The following ACTN2 variants were observed in gnomAD, a reference collection of about 807,000 sequenced individuals.
ACTN2 encodes the protein alpha-actinin-2.
ACTN2 carries 39 observed loss-of-function variants against 113.8 expected under a neutral mutation model. The observed-to-expected ratio is 0.34, with a 90% confidence interval of 0.27 to 0.45. The LOEUF is 0.45. Among genes scored for constraint, ACTN2 ranks in the 20% least tolerant of loss-of-function variants. The pLI is 1.00. For missense variants in ACTN2, 992 were observed against 1,177.9 expected, an observed-to-expected ratio of 0.84 and a Z score of 2.31; for synonymous variants, 429 against 444.1, an observed-to-expected ratio of 0.97 and a Z score of 0.43.
At position 236,730,963 on chromosome 1, in the gene ACTN2, G is replaced by A. The variant is rs551725678; in HGVS notation, c.616-270G>A. The stretch of plus-strand genomic sequence containing the variant: ...GAAGATCAGTTCTGATGGATTCAGT[G>A]TGTCCTTTCTTGTCAATGCATCTGT... On this transcript the variant is annotated intron_variant, in intron 6 of 20. Coordinates refer to ENST00000366578, the MANE Select transcript of ACTN2 (RefSeq NM_001103.4). Among the ~76,000 whole-genome samples, 5 of 152,294 alleles carry A rather than the reference G, an allele frequency of 3.3e-5. No individual in the cohort carries two copies. The South Asian group carries it at 1.0e-3, about 32-fold the overall frequency.
chr1:236,760,006 G>A (rs898479091), intron 19 of ACTN2, among the ~76,000 whole-genome samples: 1 of 152,220 alleles, frequency 6.6e-6, no homozygotes, highest in Non-Finnish European at 1.5e-5. Context: ...AGCACTTTGG[G>A]AGGCCGAGGC....
chr1:236,708,156 C>G (rs1344517765), intron 1 of ACTN2, among the ~76,000 whole-genome samples: 1 of 151,950 alleles, frequency 6.6e-6, no homozygotes, highest in Non-Finnish European at 1.5e-5. Context: ...CTGTTGCATA[C>G]CATGTTATCT....
chr1:236,713,281 G>A (rs1199956290), intron 1 of ACTN2, among the ~76,000 whole-genome samples: 1 of 149,160 alleles, frequency 6.7e-6, no homozygotes, highest in Admixed American at 6.7e-5. Context: ...AGGCTGTAGT[G>A]CAATGGCACG....
chr1:236,692,447 A>G (rs2102858642), intron 1 of ACTN2, among the ~76,000 whole-genome samples: 1 of 152,304 alleles, frequency 6.6e-6, no homozygotes, highest in Middle Eastern at 3.4e-3. Flanking sequence ...GAAAGGAGCC[A>G]CCGTGCTGAG....
At chr1:236,722,175 A>G (rs1017999097) in intron 4 of ACTN2, among the ~76,000 whole-genome samples, 6 of 152,078 alleles carry the variant, frequency 3.9e-5, no homozygotes, top group South Asian at 2.1e-4. Flanking sequence ...TCATGGAGTA[A>G]TTGTTTAACA....
rs1349813845 is a variant in ACTN2, at chr1:236,758,303, A to ATTTTTTTTTTTTTTTTTTTTTTTTTT, written c.2301+672_2301+673insTTTTTTTTTTTTTTTTTTTTTTTTTT. ...CCAATTCTTTTCTTTTTTTTTTTTA[A>ATTTTTTTTTTTTTTTTTTTTTTTTTT]TGAGACGGAGTCTCGCTCTGTCACC... On this transcript the variant is annotated intron_variant, in intron 18 of 20. Coordinates refer to ENST00000366578, the MANE Select transcript of ACTN2 (RefSeq NM_001103.4). Among the ~76,000 whole-genome samples, 14 of 135,900 alleles carry ATTTTTTTTTTTTTTTTTTTTTTTTTT rather than the reference A, an allele frequency of 1.0e-4. 2 individuals carry two copies. Among genetic ancestry groups the ATTTTTTTTTTTTTTTTTTTTTTTTTT allele is most frequent in the African/African-American group, 4.2e-4 (13 of 31,118 alleles). The allele number at this position is 135,900 out of a possible 152,430, so 89.2% of individuals were successfully genotyped here.
At chr1:236,737,896 C>T (rs1658940035) in intron 9 of ACTN2, among the ~76,000 whole-genome samples, 1 of 152,242 alleles carries the variant, frequency 6.6e-6, no homozygotes, top group Non-Finnish European at 1.5e-5. Context: ...TTCCCAAATA[C>T]AAGCATGGGC....
chr1:236,693,352 G>T (rs1228788603), intron 1 of ACTN2, among the ~76,000 whole-genome samples: 1 of 152,190 alleles, frequency 6.6e-6, no homozygotes, highest in African/African-American at 2.4e-5. Flanking sequence ...GGGACCAGCA[G>T]AGAGAGTTGA....
At chr1:236,727,862 C>T in intron 6 of ACTN2, 106 bp downstream of exon 6, 1 of 1,035,094 alleles carries the variant, frequency 9.7e-7, no homozygotes, top group South Asian at 1.3e-5. Flanking sequence ...GGGCCACCTG[C>T]AGAAACGGCC....
intron 4 of ACTN2, among the ~76,000 whole-genome samples, chr1:236,724,638 T>C: frequency 6.6e-6 from 1 of 152,052 alleles, no homozygotes; most frequent in Non-Finnish European, 1.5e-5. Flanking sequence ...CGCATAGGGG[T>C]GTCTCAGCTC....
intron 15 of ACTN2, 98 bp from the exon 16 acceptor site, chr1:236,753,849 A>ACCCCCCCCCC: frequency 9.1e-7 from 1 of 1,103,220 alleles, no homozygotes; most frequent in Non-Finnish European, 1.3e-6. Context: ...CTCCTTCTCC[A>ACCCCCCCCCC]CTCCCACCCC....
At chr1:236,725,669 T>C (rs2102903924) in intron 4 of ACTN2, among the ~76,000 whole-genome samples, 1 of 152,034 alleles carries the variant, frequency 6.6e-6, no homozygotes, top group South Asian at 2.1e-4. Flanking sequence ...AAGGGGCGAG[T>C]CACCAACCAC....
At chr1:236,710,759 G>C (rs1658000607) in intron 1 of ACTN2, among the ~76,000 whole-genome samples, 2 of 152,224 alleles carry the variant, frequency 1.3e-5, no homozygotes, top group African/African-American at 4.8e-5. Context: ...ATCAGCGGCA[G>C]CATCAGATTC....
intron 1 of ACTN2, among the ~76,000 whole-genome samples, chr1:236,715,372 A>G (rs1658162657): frequency 6.9e-6 from 1 of 145,282 alleles, no homozygotes; most frequent in Non-Finnish European, 1.5e-5. Flanking sequence ...TCAAAAAATA[A>G]ATACATAAAA....
chr1:236,728,676 T>C (rs1181960412), intron 6 of ACTN2, among the ~76,000 whole-genome samples: 3 of 152,138 alleles, frequency 2.0e-5, no homozygotes, highest in African/African-American at 7.2e-5. Flanking sequence ...CAATTCTGCC[T>C]TTAAGGTAAA....
At chr1:236,706,579 AG>A (rs984559414) in intron 1 of ACTN2, among the ~76,000 whole-genome samples, 1 of 152,216 alleles carries the variant, frequency 6.6e-6, no homozygotes, top group Non-Finnish European at 1.5e-5. Flanking sequence ...GAGAATCAAC[AG>A]AACAGAAGGC....
intron 1 of ACTN2, among the ~76,000 whole-genome samples, chr1:236,695,570 C>CT (rs1250064720): frequency 2.5e-5 from 3 of 117,690 alleles, no homozygotes; most frequent in Admixed American, 9.4e-5. Context: ...AGTTCCCCCC[C>CT]CCTGCCCAGA....
At chr1:236,745,365 C>T (rs1051359513) in intron 12 of ACTN2, among the ~76,000 whole-genome samples, 4 of 152,200 alleles carry the variant, frequency 2.6e-5, no homozygotes, top group African/African-American at 7.2e-5. Context: ...ACCCAGGAGG[C>T]GGAGCTTGCA....
chr1:236,708,908 T>C (rs1657914763), intron 1 of ACTN2, among the ~76,000 whole-genome samples: 1 of 152,088 alleles, frequency 6.6e-6, no homozygotes, highest in Admixed American at 6.6e-5. Flanking sequence ...CAGTGATTTT[T>C]ACGACATATG....
Sources: gnomAD v4.1 joint callset for allele counts (sites outside exome capture counted in the v4.1 genomes callset) on GRCh38, gnomAD v4.1.1 for gene constraint, MANE v1.5 for transcripts, NCBI Gene and HGNC (gene_info 2026-07-23, HGNC 2026-07-21) for gene names.